The following GALNT7 variants were observed in gnomAD, a reference collection of about 807,000 sequenced individuals.
The protein encoded by GALNT7 is N-acetylgalactosaminyltransferase 7.
Under a neutral mutation model 82.1 loss-of-function variants are expected in GALNT7, and 60 were observed. That is an observed-to-expected ratio of 0.73 (90% CI 0.59 to 0.91). The LOEUF (loss-of-function observed/expected upper bound fraction) is 0.91, where lower values mean the gene tolerates loss of function less well. GALNT7 is among the 40% of genes least tolerant of loss of function. The pLI, the probability that GALNT7 is intolerant of heterozygous loss-of-function variation, is 0.00. For missense variants in GALNT7, 660 were observed against 804.2 expected, an observed-to-expected ratio of 0.82 and a Z score of 2.17; for synonymous variants, 243 against 275.1, an observed-to-expected ratio of 0.88 and a Z score of 1.15.
chr4:173,281,055 T>C (rs1227916098), intron 2 of GALNT7, among the ~76,000 whole-genome samples: 1 of 152,222 alleles, frequency 6.6e-6, no homozygotes, highest in Non-Finnish European at 1.5e-5. Context: ...AGACTCCCTC[T>C]CTGGGCTGTT....
At chr4:173,201,034 C>T (rs1732929226) in intron 1 of GALNT7, among the ~76,000 whole-genome samples, 1 of 152,130 alleles carries the variant, frequency 6.6e-6, no homozygotes, top group African/African-American at 2.4e-5. Flanking sequence ...TTATCCATCA[C>T]AAATAAATGT....
chr4:173,184,750 AAAAC>A (rs759940956), intron 1 of GALNT7, among the ~76,000 whole-genome samples: 66 of 152,316 alleles, frequency 4.3e-4, no homozygotes, highest in Non-Finnish European at 7.2e-4. Context: ...ATGTAAAAAA[AAAAC>A]TGATTTAGGA....
chr4:173,283,634 T>G (rs1188948455), intron 2 of GALNT7, among the ~76,000 whole-genome samples: 1 of 134,280 alleles, frequency 7.4e-6, no homozygotes, highest in Non-Finnish European at 1.6e-5. Context: ...AAACTCTGTC[T>G]GAAAAAAAAA....
chr4:173,318,362 C>A, intron 10 of GALNT7, 69 bp from the exon 11 acceptor site: 1 of 1,279,802 alleles, frequency 7.8e-7, no homozygotes, highest in South Asian at 1.4e-5. Flanking sequence ...AGTTAAGTTT[C>A]TTTCTTTTCA....
chr4:173,261,003 T>C (rs997449546), intron 2 of GALNT7, among the ~76,000 whole-genome samples: 1 of 152,208 alleles, frequency 6.6e-6, no homozygotes, highest in Admixed American at 6.5e-5. Flanking sequence ...AAACAAGCAA[T>C]AACAAATGTG....
chr4:173,248,204 T>G lies in GALNT7; in HGVS notation c.351T>G (p.Pro117=). ...IMQRQYLTFK[P]QTFTYHDPVL... Reference sequence around the variant, plus strand: ...AGAGGCAGTATCTCACATTTAAGCCTCAGACATTCACCTACCATGATCCTG... The same window carrying G: ...AGAGGCAGTATCTCACATTTAAGCCGCAGACATTCACCTACCATGATCCTG... Residue 117 remains proline, a synonymous_variant, in exon 2 of 12, where the codon CCT becomes CCG. Coordinates refer to ENST00000265000, the MANE Select transcript of GALNT7 (RefSeq NM_017423.3). 6.2e-7 allele frequency: 1 copy of G among 1,613,852 alleles called. No individual in the cohort carries two copies.
intron 2 of GALNT7, among the ~76,000 whole-genome samples, chr4:173,285,273 C>T (rs1206563934): frequency 6.6e-6 from 1 of 152,172 alleles, no homozygotes. Flanking sequence ...ATAATGGTAA[C>T]TCTTAGCGAT....
chr4:173,294,260 A>G (rs1224798620), intron 3 of GALNT7, among the ~76,000 whole-genome samples: 1 of 151,862 alleles, frequency 6.6e-6, no homozygotes, highest in East Asian at 1.9e-4. Context: ...GGACTTTAAA[A>G]AAGAGGATAA....
At chr4:173,290,506 A>T (rs1379810316) in intron 2 of GALNT7, among the ~76,000 whole-genome samples, 1 of 152,178 alleles carries the variant, frequency 6.6e-6, no homozygotes, top group African/African-American at 2.4e-5. Flanking sequence ...GACATCTATT[A>T]GGGGATATCT....
chr4:173,218,963 T>C (rs1733554107), intron 1 of GALNT7, among the ~76,000 whole-genome samples: 2 of 151,804 alleles, frequency 1.3e-5, no homozygotes, highest in South Asian at 4.2e-4. Context: ...ATTTTAGTTG[T>C]TTTCTTTTTT....
intron 1 of GALNT7, among the ~76,000 whole-genome samples, chr4:173,204,414 T>A (rs1480574265): frequency 1.3e-5 from 2 of 152,262 alleles, no homozygotes; most frequent in African/African-American, 2.4e-5. Flanking sequence ...CTTCTTTAAA[T>A]AAGCTTACTG....
intron 2 of GALNT7, among the ~76,000 whole-genome samples, chr4:173,272,902 G>A (rs1406378474): frequency 6.6e-6 from 1 of 152,096 alleles, no homozygotes; most frequent in Non-Finnish European, 1.5e-5. Context: ...AGTGGAGAGG[G>A]TCTTCAAAAA....
intron 1 of GALNT7, among the ~76,000 whole-genome samples, chr4:173,213,834 C>T (rs529911876): frequency 4.6e-5 from 7 of 152,222 alleles, no homozygotes; most frequent in African/African-American, 1.7e-4. Flanking sequence ...TTTTTACCAG[C>T]TTTTGTTTTA....
At chr4:173,223,899 G>C (rs925555676) in intron 1 of GALNT7, among the ~76,000 whole-genome samples, 4 of 152,094 alleles carry the variant, frequency 2.6e-5, no homozygotes, top group Admixed American at 2.6e-4. Flanking sequence ...CTTCTTCATT[G>C]ATGTGTGTAC....
chr4:173,243,700 C>T (rs1579948468), intron 1 of GALNT7, among the ~76,000 whole-genome samples: 1 of 152,188 alleles, frequency 6.6e-6, no homozygotes, highest in African/African-American at 2.4e-5. Context: ...GATTTAATGA[C>T]ATGCAGCCTC....
intron 2 of GALNT7, among the ~76,000 whole-genome samples, chr4:173,262,886 T>G (rs1412348737): frequency 1.3e-5 from 2 of 152,196 alleles, no homozygotes; most frequent in Non-Finnish European, 2.9e-5. Context: ...AAGGAAGACT[T>G]ACTGCTTCAT....
At chr4:173,223,977 C>A (rs1217258996) in intron 1 of GALNT7, among the ~76,000 whole-genome samples, 1 of 152,094 alleles carries the variant, frequency 6.6e-6, no homozygotes, top group Non-Finnish European at 1.5e-5. Context: ...TGTATTTAAT[C>A]ATTTGTTCAT....
chr4:173,226,932 T>C (rs1410585069), intron 1 of GALNT7, among the ~76,000 whole-genome samples: 1 of 152,320 alleles, frequency 6.6e-6, no homozygotes, highest in Non-Finnish European at 1.5e-5. Flanking sequence ...TTTTAAAAAA[T>C]AAATCATTTC....
intron 1 of GALNT7, among the ~76,000 whole-genome samples, chr4:173,227,966 C>T (rs1733891075): frequency 6.6e-6 from 1 of 152,020 alleles, no homozygotes; most frequent in South Asian, 2.1e-4. Context: ...TTCTATGAGC[C>T]TCTTTTCAGC....
Sources: gnomAD v4.1 joint callset for allele counts (sites outside exome capture counted in the v4.1 genomes callset) on GRCh38, gnomAD v4.1.1 for gene constraint, MANE v1.5 for transcripts, NCBI Gene and HGNC (gene_info 2026-07-23, HGNC 2026-07-21) for gene names.